Variants in KCNN2 observed in about 807,000 individuals in gnomAD.
The protein encoded by KCNN2 is small conductance calcium-activated potassium channel protein 2.
A neutral mutation model predicts 55.5 loss-of-function variants in KCNN2; 24 were observed. That is an observed-to-expected ratio of 0.43 (90% CI 0.31 to 0.61). The LOEUF (loss-of-function observed/expected upper bound fraction) is 0.61. Ranked by LOEUF, KCNN2 falls within the 20% of genes least tolerant of loss-of-function variation. KCNN2 has a pLI of 0.08. For missense variants in KCNN2, 754 were observed against 853.6 expected (o/e 0.88, Z 1.45); for synonymous variants, 431 against 336.1 (o/e 1.28, Z -3.09).
At chr5:114,181,263 G>T (rs1306913750) in intron 1 of KCNN2, among the ~76,000 whole-genome samples, 1 of 152,140 alleles carries the variant, frequency 6.6e-6, no homozygotes, top group Non-Finnish European at 1.5e-5. Context: ...TCTTGCCAGT[G>T]TTTGTTCTCG....
At chr5:114,173,472 G>T (rs1753080400) in intron 1 of KCNN2, among the ~76,000 whole-genome samples, 1 of 142,652 alleles carries the variant, frequency 7.0e-6, no homozygotes, top group South Asian at 2.2e-4. Flanking sequence ...GTGTGTGTGT[G>T]TGTGTGTGTG....
chr5:114,495,368 A>G (rs1335270289), intron 7 of KCNN2, among the ~76,000 whole-genome samples: 2 of 152,226 alleles, frequency 1.3e-5, no homozygotes, highest in Non-Finnish European at 2.9e-5. Context: ...TTATTGCTTT[A>G]AATTACAAAA....
intron 1 of KCNN2, among the ~76,000 whole-genome samples, chr5:114,158,237 C>A (rs1216164422): frequency 6.6e-6 from 1 of 152,110 alleles, no homozygotes; most frequent in Non-Finnish European, 1.5e-5. Flanking sequence ...GCCAGTTTTC[C>A]CAGCAGCATT....
intron 1 of KCNN2, among the ~76,000 whole-genome samples, chr5:114,119,331 G>A (rs79371049): frequency 0.01 from 1,543 of 152,266 alleles, 32 homozygotes; most frequent in African/African-American, 0.035. Context: ...ACAAAAGTCT[G>A]ATAAATTAGG....
chr5:114,357,879 A>T (rs919696352), upstream of KCNN2, among the ~76,000 whole-genome samples: 5 of 151,628 alleles, frequency 3.3e-5, no homozygotes, highest in Admixed American at 6.6e-5. Context: ...CGCCACACTG[A>T]CTTCCACAAT....
At chr5:114,314,248 C>G (rs560963627) in intron 2 of KCNN2, among the ~76,000 whole-genome samples, 5 of 152,022 alleles carry the variant, frequency 3.3e-5, no homozygotes, top group Non-Finnish European at 5.9e-5. Flanking sequence ...TCACTTCCCC[C>G]CTGCATAGTT....
chr5:114,417,811 A>G (rs1240807707), intron 3 of KCNN2, among the ~76,000 whole-genome samples: 2 of 152,190 alleles, frequency 1.3e-5, no homozygotes, highest in Non-Finnish European at 2.9e-5. Context: ...TATACCATGT[A>G]AAAATGGGGG....
intron 3 of KCNN2, among the ~76,000 whole-genome samples, chr5:114,458,916 G>A (rs1454473036): frequency 1.3e-5 from 2 of 152,192 alleles, no homozygotes; most frequent in Non-Finnish European, 2.9e-5. Context: ...AAGGATAACA[G>A]CATACCTCCC....
chr5:114,165,048 A>C (rs1349141638), intron 1 of KCNN2, among the ~76,000 whole-genome samples: 1 of 152,306 alleles, frequency 6.6e-6, no homozygotes, highest in East Asian at 1.9e-4. Context: ...ACAGCAAGCA[A>C]GTGTTAAAGG....
chr5:114,342,497 C>T (rs1271601941), intron 2 of KCNN2, among the ~76,000 whole-genome samples: 1 of 151,986 alleles, frequency 6.6e-6, no homozygotes, highest in Non-Finnish European at 1.5e-5. Context: ...GGAAAGATTC[C>T]CTCCAGAAAG....
chr5:114,192,817 C>T (rs1580606317), intron 1 of KCNN2, among the ~76,000 whole-genome samples: 1 of 152,088 alleles, frequency 6.6e-6, no homozygotes, highest in Non-Finnish European at 1.5e-5. Context: ...AACTGAGCTA[C>T]AAAATCCTCT....
intron 1 of KCNN2, among the ~76,000 whole-genome samples, chr5:114,072,303 A>G (rs1408494216): frequency 6.6e-6 from 1 of 151,858 alleles, no homozygotes; most frequent in East Asian, 1.9e-4. Flanking sequence ...AAAAAAAAAA[A>G]AAGTAATGTC....
At chr5:114,355,514 G>T (rs1020127935) in intron 2 of KCNN2, among the ~76,000 whole-genome samples, 1 of 152,092 alleles carries the variant, frequency 6.6e-6, no homozygotes, top group Non-Finnish European at 1.5e-5. Context: ...AATATATTTG[G>T]TTCCACTTTT....
chr5:114,219,734 G>C (rs908455003), intron 1 of KCNN2, among the ~76,000 whole-genome samples: 2 of 152,046 alleles, frequency 1.3e-5, no homozygotes, highest in Non-Finnish European at 2.9e-5. Context: ...TGAGGGTGGG[G>C]TTTTGCCAGG....
chr5:114,143,124 A>T (rs761701474), intron 1 of KCNN2, among the ~76,000 whole-genome samples: 38 of 152,180 alleles, frequency 2.5e-4, no homozygotes, highest in Non-Finnish European at 5.0e-4. Context: ...ATATACCAGC[A>T]TTTATTATTA....
At chr5:114,460,732 A>C (rs951930976) in intron 3 of KCNN2, among the ~76,000 whole-genome samples, 1 of 152,210 alleles carries the variant, frequency 6.6e-6, no homozygotes, top group African/African-American at 2.4e-5. Flanking sequence ...ATGCATTACA[A>C]CATACGTCAA....
intron 1 of KCNN2, among the ~76,000 whole-genome samples, chr5:114,098,420 C>G (rs1751306818): frequency 6.6e-6 from 1 of 151,934 alleles, no homozygotes; most frequent in Non-Finnish European, 1.5e-5. Flanking sequence ...AAGTGGCAGG[C>G]AAGTGAGCAT....
Position 114,496,305 on chromosome 5 carries a change from G to T in KCNN2, c.*123G>T. On this transcript the variant is annotated 3_prime_UTR_variant, in exon 8 of 8. Coordinates refer to ENST00000673685, the MANE Select transcript of KCNN2 (RefSeq NM_021614.4). ...CCGGGTTCTGATGTCAGAATCCTGG[G>T]AACCTGAACACTAAGTTTTAGGCCA... 1 of 1,082,210 alleles carries T rather than the reference G, an allele frequency of 9.2e-7. No homozygotes were observed. The highest frequency in any genetic ancestry group is 1.3e-6 in the Non-Finnish European group (1 of 772,266). 67.0% of individuals were successfully genotyped at this position (1,082,210 alleles called of 1,614,324 possible). A position where few individuals can be genotyped will look rare whatever the true frequency, so the allele number is the denominator to read the frequency against.
intron 2 of KCNN2, among the ~76,000 whole-genome samples, chr5:114,322,568 C>T (rs1380894776): frequency 8.3e-6 from 1 of 120,060 alleles, no homozygotes; most frequent in Non-Finnish European, 1.7e-5. Context: ...TATGCATACA[C>T]TCCCCCATAC....
Sources: gnomAD v4.1 joint callset for allele counts (sites outside exome capture counted in the v4.1 genomes callset) on GRCh38, gnomAD v4.1.1 for gene constraint, MANE v1.5 for transcripts, NCBI Gene and HGNC (gene_info 2026-07-23, HGNC 2026-07-21) for gene names.